GASK1A: variants seen among roughly 807,000 people sequenced by gnomAD.
GASK1A encodes the protein Golgi-associated kinase 1A.
In GASK1A, 40 loss-of-function variants were observed where a neutral mutation model predicts 41.2. The observed-to-expected ratio is 0.97, with a 90% CI of 0.75 to 1.27. The LOEUF (loss-of-function observed/expected upper bound fraction) is 1.27, where lower values mean the gene tolerates loss of function less well. GASK1A is among the 50% of genes most tolerant of loss of function. GASK1A has a pLI of 0.00. For missense variants in GASK1A, 678 were observed against 745.1 expected (o/e 0.91, Z 1.05); for synonymous variants, 316 against 307.1 (o/e 1.03, Z -0.30).
intron 2 of GASK1A, among the ~76,000 whole-genome samples, chr3:43,034,531 T>C (rs2089595602): frequency 1.3e-5 from 2 of 151,930 alleles, no homozygotes; most frequent in African/African-American, 4.8e-5. Flanking sequence ...CAGATAAAGC[T>C]CAGTGAGGGT....
chr3:43,038,423 G>C (rs1264526526), intron 2 of GASK1A, among the ~76,000 whole-genome samples: 1 of 152,132 alleles, frequency 6.6e-6, no homozygotes, highest in Non-Finnish European at 1.5e-5. Flanking sequence ...CCTTGAAATT[G>C]TATGATTATT....
intron 1 of GASK1A, among the ~76,000 whole-genome samples, chr3:43,006,657 T>G (rs1407536733): frequency 1.3e-5 from 2 of 152,204 alleles, no homozygotes; most frequent in Non-Finnish European, 2.9e-5. Context: ...GTTCTGAAGC[T>G]TTACAATGAT....
At chr3:43,046,635 G>C (rs1227330309) in intron 2 of GASK1A, among the ~76,000 whole-genome samples, 1 of 152,228 alleles carries the variant, frequency 6.6e-6, no homozygotes, top group African/African-American at 2.4e-5. Context: ...GCAGAAATTT[G>C]CTTAAGTAAT....
intron 2 of GASK1A, among the ~76,000 whole-genome samples, chr3:43,034,560 G>T (rs513065): frequency 6.6e-6 from 1 of 152,218 alleles, no homozygotes; most frequent in Non-Finnish European, 1.5e-5. Flanking sequence ...GCACCAAATG[G>T]ACATGGAACC....
In GASK1A at chr3:42,990,149, C is replaced by T. The variant is rs1382140153; in HGVS notation, c.3+10504C>T. ...TCAAGACCAGCCTGGGCAACATAGACTTTTGTCTATGTTGGGCAACATAAA... is the reference window on the plus strand; with the variant it reads ...TCAAGACCAGCCTGGGCAACATAGATTTTTGTCTATGTTGGGCAACATAAA... On this transcript the variant is annotated intron_variant, in intron 1 of 4. Transcript: ENST00000430121. 2.0e-5 allele frequency among the ~76,000 whole-genome samples: 3 copies of T among 151,964 alleles called. No individual in the cohort carries two copies. The East Asian group carries it at 5.8e-4, about 30-fold the overall frequency.
At chr3:43,007,829 T>C (rs1244035224) in intron 1 of GASK1A, among the ~76,000 whole-genome samples, 1 of 152,254 alleles carries the variant, frequency 6.6e-6, no homozygotes, top group African/African-American at 2.4e-5. Context: ...AATCAAATTG[T>C]CTGGCTCCAA....
intron 3 of GASK1A, 106 bp from the exon 4 acceptor site, chr3:43,055,326 A>T: frequency 1.4e-6 from 1 of 719,380 alleles, no homozygotes; most frequent in Non-Finnish European, 2.4e-6. Flanking sequence ...GGACTGTGGG[A>T]CTGACAGCTC....
intron 1 of GASK1A, among the ~76,000 whole-genome samples, chr3:43,001,843 C>T (rs1435078601): frequency 6.6e-6 from 1 of 152,076 alleles, no homozygotes; most frequent in Non-Finnish European, 1.5e-5. Flanking sequence ...GGGTCCTTGC[C>T]TCACCCCTTC....
At chr3:43,017,915 GAAGTCACGGGAAGAAGTAGTGTT>G (rs2089501577) in intron 1 of GASK1A, among the ~76,000 whole-genome samples, 3 of 152,250 alleles carry the variant, frequency 2.0e-5, no homozygotes, top group African/African-American at 7.2e-5. Flanking sequence ...AGGAAGGTGG[GAAGTCACGGGAAGAAGTAGTGTT>G]AAGTCACAGG....
chr3:42,987,759 A>G (rs554097754), intron 1 of GASK1A, among the ~76,000 whole-genome samples: 12 of 152,026 alleles, frequency 7.9e-5, no homozygotes, highest in Admixed American at 3.3e-4. Flanking sequence ...AGCACTTTGG[A>G]AGGCTGAGGT....
intron 2 of GASK1A, among the ~76,000 whole-genome samples, chr3:43,052,654 C>G (rs376361614): frequency 1.3e-5 from 2 of 152,208 alleles, no homozygotes; most frequent in African/African-American, 4.8e-5. Context: ...TCCAAACCAA[C>G]TCCTCACTTC....
intron 1 of GASK1A, among the ~76,000 whole-genome samples, chr3:42,998,924 T>C (rs1311299332): frequency 6.6e-6 from 1 of 152,176 alleles, no homozygotes; most frequent in Non-Finnish European, 1.5e-5. Context: ...AAAGCCTCTT[T>C]GTTTCTTACT....
At chr3:43,015,327 C>G (rs2089485134) in intron 1 of GASK1A, among the ~76,000 whole-genome samples, 1 of 148,194 alleles carries the variant, frequency 6.7e-6, no homozygotes, top group Non-Finnish European at 1.5e-5. Flanking sequence ...CTTGTGAGGT[C>G]ACAGGAAGGG....
intron 2 of GASK1A, among the ~76,000 whole-genome samples, chr3:43,043,110 C>T (rs1360777093): frequency 6.6e-6 from 1 of 152,228 alleles, no homozygotes; most frequent in Non-Finnish European, 1.5e-5. Context: ...TCTCCTCCTG[C>T]CTCCAACTAT....
chr3:43,002,395 G>A (rs2089413991), intron 1 of GASK1A, among the ~76,000 whole-genome samples: 1 of 152,032 alleles, frequency 6.6e-6, no homozygotes, highest in South Asian at 2.1e-4. Context: ...TCGTAAGTTG[G>A]GACTGTACTG....
intron 1 of GASK1A, among the ~76,000 whole-genome samples, chr3:43,009,341 G>T (rs2089451882): frequency 1.3e-5 from 2 of 152,218 alleles, no homozygotes; most frequent in Non-Finnish European, 1.5e-5. Context: ...GACGGATCCA[G>T]GTATTTCTCA....
intron 2 of GASK1A, among the ~76,000 whole-genome samples, chr3:43,049,525 G>A (rs1523123): frequency 0.14 from 21,472 of 152,166 alleles, 1,857 homozygotes; most frequent in South Asian, 0.36. Context: ...TTGGCTTATC[G>A]CATGAACAGG....
At chr3:43,040,608 C>T (rs954773193) in intron 2 of GASK1A, among the ~76,000 whole-genome samples, 7 of 152,152 alleles carry the variant, frequency 4.6e-5, no homozygotes, top group African/African-American at 1.7e-4. Flanking sequence ...CATCTGTTCA[C>T]GTTCCTCAGA....
intron 1 of GASK1A, among the ~76,000 whole-genome samples, chr3:43,002,428 T>A (rs978226068): frequency 8.5e-5 from 13 of 152,184 alleles, no homozygotes; most frequent in Non-Finnish European, 1.9e-4. Flanking sequence ...TATGCTTGCT[T>A]TTGTGTTTTT....
Sources: allele counts gnomAD v4.1 joint callset (sites outside exome capture counted in the v4.1 genomes callset), GRCh38; gene constraint gnomAD v4.1.1; transcripts MANE v1.5; gene names NCBI Gene and HGNC (gene_info 2026-07-23, HGNC 2026-07-21).